The following UGT1A8 variants were observed in gnomAD, a reference collection of about 807,000 sequenced individuals.
UGT1A8 encodes the protein UDP glucuronosyltransferase family 1 member A8.
UGT1A8 carries 39 observed loss-of-function variants against 45.3 expected under a neutral mutation model. That is an observed-to-expected ratio of 0.86 (90% CI 0.67 to 1.12). The LOEUF is 1.12. UGT1A8 is among the 50% of genes most tolerant of loss of function. The pLI is 0.00. For missense variants in UGT1A8, 719 were observed against 664.9 expected, an observed-to-expected ratio of 1.08 and a Z score of -0.90; for synonymous variants, 275 against 249.2, an observed-to-expected ratio of 1.10 and a Z score of -0.97.
intron 1 of UGT1A8, among the ~76,000 whole-genome samples, chr2:233,619,466 A>G (rs2072960471): frequency 6.6e-6 from 1 of 152,160 alleles, no homozygotes. Flanking sequence ...CTAGAGTCCT[A>G]CATGTAGGGT....
chr2:233,749,993 A>G (rs1274473533), intron 1 of UGT1A8, among the ~76,000 whole-genome samples: 2 of 151,856 alleles, frequency 1.3e-5, no homozygotes, highest in African/African-American at 4.9e-5. Context: ...GGACTAATAT[A>G]TTAAATTGGT....
chr2:233,637,982 C>A (rs1228946687), intron 1 of UGT1A8, among the ~76,000 whole-genome samples: 1 of 151,980 alleles, frequency 6.6e-6, no homozygotes, highest in Non-Finnish European at 1.5e-5. Context: ...ATATATATAG[C>A]CATTTTCCAC....
chr2:233,744,977 C>G (rs528812849), intron 1 of UGT1A8, among the ~76,000 whole-genome samples: 5 of 151,856 alleles, frequency 3.3e-5, no homozygotes, highest in Non-Finnish European at 7.3e-5. Flanking sequence ...CTTTAAGCCT[C>G]TAGTCATCTC....
At chr2:233,700,961 C>T (rs867689514) in intron 1 of UGT1A8, among the ~76,000 whole-genome samples, 2 of 151,736 alleles carry the variant, frequency 1.3e-5, no homozygotes, top group Non-Finnish European at 2.9e-5. Context: ...TGAGTGAGAA[C>T]ATGCGGTGTT....
chr2:233,742,736 T>C (rs1017364884), intron 1 of UGT1A8: 1 of 152,920 alleles, frequency 6.5e-6, no homozygotes, highest in Non-Finnish European at 1.5e-5. Context: ...GATTCAAATG[T>C]CTGACCTCCA....
At chr2:233,711,896 C>T (rs1316826464) in intron 1 of UGT1A8, among the ~76,000 whole-genome samples, 1 of 152,152 alleles carries the variant, frequency 6.6e-6, no homozygotes, top group African/African-American at 2.4e-5. Flanking sequence ...GTCTCATGGG[C>T]GTGAGACCAT....
rs1410952915 is a variant in UGT1A8 at position 233,638,320 on chromosome 2, A to G, written c.855+19758A>G. On this transcript the variant is annotated intron_variant, in intron 1 of 4. Coordinates refer to ENST00000373450, the MANE Select transcript of UGT1A8 (RefSeq NM_019076.5). ...TGTACAGGGCAATGTTTCCATTTCTACATTTAACTGATTACTGGTAATTAA... is the reference window on the plus strand; with the variant it reads ...TGTACAGGGCAATGTTTCCATTTCTGCATTTAACTGATTACTGGTAATTAA... 2.6e-5 allele frequency among the ~76,000 whole-genome samples: 4 copies of G among 152,298 alleles called. No homozygotes were observed. The South Asian group carries it at 6.2e-4, about 24-fold the overall frequency.
intron 3 of UGT1A8, 29 bp downstream of exon 3, chr2:233,767,965 C>T: frequency 3.1e-6 from 5 of 1,614,098 alleles, no homozygotes; most frequent in Non-Finnish European, 4.2e-6. Context: ...ATGTATAGGT[C>T]AAACCAGGGT....
intron 1 of UGT1A8, chr2:233,672,042 C>T (rs769533948): frequency 8.7e-6 from 14 of 1,614,160 alleles, no homozygotes; most frequent in Non-Finnish European, 1.2e-5. Context: ...TGGATGGGAG[C>T]CACTGGTTCA....
At chr2:233,719,649 G>A in intron 1 of UGT1A8, 1 of 1,614,068 alleles carries the variant, frequency 6.2e-7, no homozygotes, top group South Asian at 1.1e-5. Context: ...GGTCTTCATT[G>A]GGGGCATCAA....
In UGT1A8 at chr2:233,689,926, C is replaced by T. The variant is rs185092519; in HGVS notation, c.855+71364C>T. The T allele has an allele frequency of 1.9e-3, 845 of 456,594 alleles. 3 individuals are homozygous for T. Among genetic ancestry groups the T allele is most frequent in the Non-Finnish European group, 2.6e-3 (593 of 226,930 alleles). The allele number at this position is 456,594 out of a possible 1,614,324, so 28.3% of individuals were successfully genotyped here. A position where few individuals can be genotyped will look rare whatever the true frequency, so the allele number is the denominator to read the frequency against. ...CCAGGTAGGTGCCTGGAATTTCCTT[C>T]GAAAGAACCCAAGATTTTCCTTTAT... On this transcript the variant is annotated intron_variant, in intron 1 of 4. Transcript: ENST00000373450.
intron 1 of UGT1A8, among the ~76,000 whole-genome samples, chr2:233,704,467 C>T (rs2075790222): frequency 6.6e-6 from 1 of 151,994 alleles, no homozygotes; most frequent in South Asian, 2.1e-4. Flanking sequence ...GCTCTATTTC[C>T]TTTCTCCCCT....
At chr2:233,675,891 C>T (rs1044519519) in intron 1 of UGT1A8, among the ~76,000 whole-genome samples, 9 of 152,098 alleles carry the variant, frequency 5.9e-5, no homozygotes, top group African/African-American at 1.4e-4. Flanking sequence ...ATATCATTAT[C>T]ATATCTAAGA....
chr2:233,705,347 A>G (rs1229673508), intron 1 of UGT1A8, among the ~76,000 whole-genome samples: 4 of 152,194 alleles, frequency 2.6e-5, no homozygotes, highest in African/African-American at 9.6e-5. Flanking sequence ...TTTTTGTCTT[A>G]TTACATGGGG....
chr2:233,692,498 G>C (rs2075098283), intron 1 of UGT1A8, among the ~76,000 whole-genome samples: 1 of 152,182 alleles, frequency 6.6e-6, no homozygotes, highest in Non-Finnish European at 1.5e-5. Context: ...GTAGGACTGA[G>C]CCCTTAACCT....
At chr2:233,688,929 G>A (rs532417725) in intron 1 of UGT1A8, among the ~76,000 whole-genome samples, 20 of 152,124 alleles carry the variant, frequency 1.3e-4, no homozygotes, top group African/African-American at 3.6e-4. Flanking sequence ...AGGGAAGATG[G>A]CAGGTGCAGC....
intron 1 of UGT1A8, chr2:233,756,004 CTATT>C (rs1422603012): frequency 6.6e-6 from 1 of 152,210 alleles, no homozygotes; most frequent in Non-Finnish European, 1.5e-5. Flanking sequence ...TGCATTCTAT[CTATT>C]GTGATATTAC....
At chr2:233,721,896 G>T in intron 1 of UGT1A8, 1 of 474,320 alleles carries the variant, frequency 2.1e-6, no homozygotes, top group South Asian at 1.5e-5. Flanking sequence ...TTGCAATATC[G>T]AAATGGTGCA....
At chr2:233,673,994 T>C (rs1373102552) in intron 1 of UGT1A8, among the ~76,000 whole-genome samples, 2 of 152,320 alleles carry the variant, frequency 1.3e-5, no homozygotes, top group Non-Finnish European at 2.9e-5. Context: ...CACTTGTGAT[T>C]GAAAAGTCCA....
Sources: allele counts gnomAD v4.1 joint callset (sites outside exome capture counted in the v4.1 genomes callset), GRCh38; gene constraint gnomAD v4.1.1; transcripts MANE v1.5; gene names NCBI Gene and HGNC (gene_info 2026-07-23, HGNC 2026-07-21).